CDH13: variants seen among roughly 807,000 people sequenced by gnomAD.
CDH13 encodes the protein cadherin 13.
CDH13 carries 24 observed loss-of-function variants against 63.8 expected under a neutral mutation model. The ratio of observed to expected loss-of-function variants is 0.38; its 90% CI spans 0.27 to 0.53. The LOEUF (loss-of-function observed/expected upper bound fraction) is 0.53. Among genes scored for constraint, CDH13 ranks in the 20% least tolerant of loss-of-function variants. The pLI, the probability that CDH13 is intolerant of heterozygous loss-of-function variation, is 0.85. For synonymous variants in CDH13, 503 were observed against 355.3 expected, an observed-to-expected ratio of 1.42 and a Z score of -4.67; for missense variants, 1,049 against 903.1, an observed-to-expected ratio of 1.16 and a Z score of -2.07.
chr16:83,706,439 T>G (rs923892685), intron 10 of CDH13, among the ~76,000 whole-genome samples: 1 of 152,130 alleles, frequency 6.6e-6, no homozygotes, highest in African/African-American at 2.4e-5. Flanking sequence ...CATGGCCATT[T>G]TTGGAAAATG....
intron 6 of CDH13, among the ~76,000 whole-genome samples, chr16:83,382,431 C>G (rs1567631791): frequency 6.6e-6 from 1 of 151,958 alleles, no homozygotes; most frequent in African/African-American, 2.4e-5. Context: ...ACTTCCATAC[C>G]CCCTCATGCT....
chr16:83,736,516 T>C (rs1911550781), intron 10 of CDH13, among the ~76,000 whole-genome samples: 1 of 152,242 alleles, frequency 6.6e-6, no homozygotes, highest in African/African-American at 2.4e-5. Context: ...AACAACGAAA[T>C]GACCCTTACG....
At chr16:83,570,847 TATATAA>T (rs1459021334) in intron 7 of CDH13, among the ~76,000 whole-genome samples, 13 of 140,428 alleles carry the variant, frequency 9.3e-5, no homozygotes, top group African/African-American at 2.1e-4. Context: ...TATTTTTATA[TATATAA>T]ATATAAATAT....
intron 2 of CDH13, among the ~76,000 whole-genome samples, chr16:82,948,428 T>A (rs1170058908): frequency 2.0e-5 from 3 of 152,184 alleles, no homozygotes; most frequent in Non-Finnish European, 4.4e-5. Context: ...CTTCCCCCTT[T>A]AGAGTTCAGT....
At chr16:83,192,668 G>A (rs2038755361) in intron 4 of CDH13, among the ~76,000 whole-genome samples, 1 of 152,174 alleles carries the variant, frequency 6.6e-6, no homozygotes, top group African/African-American at 2.4e-5. Context: ...CTTAAAATGT[G>A]AGATGGAGCA....
At chr16:82,799,523 T>C (rs1392827785) in intron 1 of CDH13, among the ~76,000 whole-genome samples, 1 of 152,244 alleles carries the variant, frequency 6.6e-6, no homozygotes, top group Non-Finnish European at 1.5e-5. Context: ...ATCAGTTTAG[T>C]CTTTTTTGCA....
chr16:83,042,608 A>G (rs1358398266), intron 3 of CDH13, among the ~76,000 whole-genome samples: 1 of 152,224 alleles, frequency 6.6e-6, no homozygotes, highest in African/African-American at 2.4e-5. Context: ...AACCGCCACC[A>G]TGAACACCCT....
chr16:82,681,272 A>T (rs192705388), intron 1 of CDH13, among the ~76,000 whole-genome samples: 126 of 152,346 alleles, frequency 8.3e-4, no homozygotes, highest in African/African-American at 2.9e-3. Flanking sequence ...GTGTGGTTCC[A>T]TTTAGATGAA....
chr16:83,337,913 C>G (rs931398151), intron 5 of CDH13, among the ~76,000 whole-genome samples: 1 of 151,672 alleles, frequency 6.6e-6, no homozygotes, highest in Non-Finnish European at 1.5e-5. Context: ...AAGTAAATAG[C>G]TTAGTAAAGA....
intron 8 of CDH13, among the ~76,000 whole-genome samples, chr16:83,668,080 G>A (rs185944025): frequency 3.3e-5 from 5 of 152,320 alleles, no homozygotes; most frequent in African/African-American, 1.2e-4. Flanking sequence ...GGGAAGATCA[G>A]TCCATCCCTG....
chr16:83,594,816 C>G (rs1047536443), intron 7 of CDH13, among the ~76,000 whole-genome samples: 1 of 152,154 alleles, frequency 6.6e-6, no homozygotes, highest in South Asian at 2.1e-4. Flanking sequence ...CTGTGCAAAA[C>G]GTCGAGGGTC....
At chr16:83,626,537 C>T (rs769278549) in intron 8 of CDH13, among the ~76,000 whole-genome samples, 2 of 152,094 alleles carry the variant, frequency 1.3e-5, no homozygotes, top group Non-Finnish European at 2.9e-5. Context: ...TGTGTGGTTT[C>T]CAAACCTGGA....
chr16:83,783,508 G>T, intron 13 of CDH13, 36 bp downstream of exon 13: 1 of 1,531,840 alleles, frequency 6.5e-7, no homozygotes, highest in East Asian at 2.2e-5. Context: ...GCACAAACAG[G>T]AAATTGTAAC....
intron 4 of CDH13, among the ~76,000 whole-genome samples, chr16:83,173,697 C>T (rs759437035): frequency 3.1e-4 from 47 of 152,064 alleles, no homozygotes; most frequent in Non-Finnish European, 5.0e-4. Flanking sequence ...AAAGATGCTT[C>T]GAAAACTATA....
In CDH13 at chr16:82,998,721, T is replaced by A. The variant is rs527733377; in HGVS notation, c.158-33289T>A. Among the ~76,000 whole-genome samples, 15 of 152,326 alleles carry A rather than the reference T, an allele frequency of 9.8e-5. No homozygotes were observed. The South Asian group carries it at 3.1e-3, about 32-fold the overall frequency. On this transcript the variant is annotated intron_variant, in intron 2 of 13. Transcript: ENST00000567109. ...CAGTTATTCATAAATGGATTTAGTA[T>A]GTTCCATATCCTTAGAATAACATAT... is the stretch of plus-strand genomic sequence containing the variant.
intron 1 of CDH13, among the ~76,000 whole-genome samples, chr16:82,673,987 C>A (rs979189595): frequency 6.6e-6 from 1 of 152,198 alleles, no homozygotes; most frequent in African/African-American, 2.4e-5. Flanking sequence ...TGTTCTTTCT[C>A]CTCCAGACTT....
In CDH13 at chr16:82,779,575, G is replaced by C. The variant is rs528103561; in HGVS notation, c.46-78787G>C. Among the ~76,000 whole-genome samples the C allele has an allele frequency of 3.3e-5, 5 of 152,330 alleles. No individual in the cohort carries two copies. The South Asian group carries it at 6.2e-4, about 19-fold the overall frequency. The stretch of plus-strand genomic sequence containing the variant: ...GGGCGGAGCGGGAGAAGGCAAAGGA[G>C]AGGGGCCAGGAGAGAATGCCAGGAA... On this transcript the variant is annotated intron_variant, in intron 1 of 13. Coordinates refer to ENST00000567109, the MANE Select transcript of CDH13 (RefSeq NM_001257.5).
At chr16:83,767,990 G>A (rs1426897280) in intron 11 of CDH13, among the ~76,000 whole-genome samples, 2 of 151,672 alleles carry the variant, frequency 1.3e-5, no homozygotes. Context: ...TAAGAAAAAA[G>A]TAAAGTAGAA....
chr16:83,060,888 C>T (rs564257069), intron 3 of CDH13, among the ~76,000 whole-genome samples: 10 of 152,306 alleles, frequency 6.6e-5, no homozygotes, highest in African/African-American at 2.4e-4. Context: ...CCTATTCCAA[C>T]TGGTACTACT....
Sources: allele counts gnomAD v4.1 joint callset (sites outside exome capture counted in the v4.1 genomes callset), GRCh38; gene constraint gnomAD v4.1.1; transcripts MANE v1.5; gene names NCBI Gene and HGNC (gene_info 2026-07-23, HGNC 2026-07-21).